RAB27A: variants seen among roughly 807,000 people sequenced by gnomAD.
RAB27A encodes the protein ras-related protein Rab-27A.
A neutral mutation model predicts 20.8 loss-of-function variants in RAB27A; 17 were observed. The ratio of observed to expected loss-of-function variants is 0.82; its 90% CI spans 0.56 to 1.23. RAB27A has a LOEUF of 1.23. Among genes scored for constraint, RAB27A ranks in the 50% most tolerant of loss-of-function variants. The pLI, the probability that RAB27A is intolerant of heterozygous loss-of-function variation, is 0.00. For synonymous variants in RAB27A, 85 were observed against 92.8 expected (o/e 0.92, Z 0.48); for missense variants, 277 against 266.7 (o/e 1.04, Z -0.27).
chr15:55,229,157 G>A, intron 4 of RAB27A, among the ~76,000 whole-genome samples: 1 of 151,946 alleles, frequency 6.6e-6, no homozygotes, highest in East Asian at 1.9e-4. Flanking sequence ...TTCTGTCTTG[G>A]TACTCTGCCT....
intron 1 of RAB27A, among the ~76,000 whole-genome samples, chr15:55,281,384 A>G (rs974539992): frequency 1.3e-5 from 2 of 152,200 alleles, no homozygotes; most frequent in Middle Eastern, 3.2e-3. Context: ...CATTTCTCAT[A>G]TATCAATAAA....
In RAB27A at chr15:55,204,651, C is replaced by T. The variant is rs1894556226; in HGVS notation, c.*856G>A. 6.6e-6 allele frequency: 1 copy of T among 152,182 alleles called. No individual in the cohort carries two copies. The highest frequency in any genetic ancestry group is 1.5e-5 in the Non-Finnish European group (1 of 68,042). The allele number at this position is 152,182 out of a possible 1,614,324, so 9.4% of individuals were successfully genotyped here. ...AAGAAAAAGAAACTAAATATTTACT[C>T]ATCGCAAATAACTCGGCATAAGCAC... On this transcript the variant is annotated 3_prime_UTR_variant, in exon 7 of 7. Transcript: ENST00000336787.
At chr15:55,303,048 C>A (rs1197675333) in intron 2 of RAB27A, among the ~76,000 whole-genome samples, 1 of 146,558 alleles carries the variant, frequency 6.8e-6, no homozygotes, top group African/African-American at 2.5e-5. Flanking sequence ...GATCAGCCCC[C>A]CCGCCCGGCC....
intron 1 of RAB27A, among the ~76,000 whole-genome samples, chr15:55,287,095 T>G (rs1298935651): frequency 6.6e-6 from 1 of 151,892 alleles, no homozygotes; most frequent in Non-Finnish European, 1.5e-5. Context: ...AATTTTTGTA[T>G]TTTTAGTAGA....
chr15:55,267,493 G>C (rs1490379416), intron 2 of RAB27A, among the ~76,000 whole-genome samples: 2 of 152,188 alleles, frequency 1.3e-5, no homozygotes, highest in African/African-American at 4.8e-5. Context: ...TCTGCCAAGA[G>C]GGCAGGGCCC....
At chr15:55,244,680 T>C (rs1162614562) in intron 2 of RAB27A, among the ~76,000 whole-genome samples, 2 of 152,252 alleles carry the variant, frequency 1.3e-5, no homozygotes, top group African/African-American at 2.4e-5. Flanking sequence ...CTTCACTTAT[T>C]GCAGTGCAAA....
At chr15:55,305,476 C>G (rs1213350236) in intron 2 of RAB27A, among the ~76,000 whole-genome samples, 5 of 152,096 alleles carry the variant, frequency 3.3e-5, no homozygotes, top group African/African-American at 7.2e-5. Context: ...ACAAACTTAA[C>G]AAGGAGGTTA....
chr15:55,269,475 G>A (rs1434963911), intron 2 of RAB27A, among the ~76,000 whole-genome samples: 9 of 152,106 alleles, frequency 5.9e-5, no homozygotes, highest in Admixed American at 6.6e-5. Flanking sequence ...GGCCGGGCAC[G>A]GTGGCTCATG....
intron 1 of RAB27A, among the ~76,000 whole-genome samples, chr15:55,278,485 T>A (rs28578658): frequency 0.027 from 2,080 of 77,518 alleles, 29 homozygotes; most frequent in African/African-American, 0.13. Flanking sequence ...CATTATTATT[T>A]TTTTTTTTTT....
chr15:55,242,919 T>C lies in RAB27A; in HGVS notation c.-22-7963A>G, dbSNP rs149510755. On this transcript the variant is annotated intron_variant, in intron 2 of 6. Transcript: ENST00000336787. The stretch of plus-strand genomic sequence containing the variant: ...CCTAAATTCTAGTCATGTATGCATA[T>C]TTTTCTTCTGTCTGTATTCCTTCCT... Among the ~76,000 whole-genome samples, 153 of 152,350 alleles carry C rather than the reference T, an allele frequency of 1.0e-3. 1 individual carries two copies. Among genetic ancestry groups the C allele is most frequent in the Middle Eastern group, 3.4e-3 (1 of 294 alleles).
At chr15:55,286,143 C>T (rs1186076860) in intron 1 of RAB27A, among the ~76,000 whole-genome samples, 2 of 152,206 alleles carry the variant, frequency 1.3e-5, no homozygotes, top group Non-Finnish European at 2.9e-5. Context: ...GCCCGATCTC[C>T]TCTGATCTTG....
At chr15:55,206,249 A>G in intron 6 of RAB27A, 1 of 656,084 alleles carries the variant, frequency 1.5e-6, no homozygotes, top group Non-Finnish European at 1.9e-6. Context: ...CCATATATAT[A>G]TTTTGGCAAT....
chr15:55,268,935 A>G (rs943594831), intron 2 of RAB27A, among the ~76,000 whole-genome samples: 4 of 152,134 alleles, frequency 2.6e-5, no homozygotes, highest in African/African-American at 9.7e-5. Flanking sequence ...GTGGGTCCTA[A>G]TCCACCCTCA....
chr15:55,221,562 T>C (rs559766622), intron 6 of RAB27A, among the ~76,000 whole-genome samples: 2 of 152,112 alleles, frequency 1.3e-5, no homozygotes, highest in Non-Finnish European at 2.9e-5. Context: ...CCATTGCACA[T>C]GAAGATCACG....
chr15:55,228,645 T>C lies in RAB27A; in HGVS notation c.307A>G (p.Asn103Asp), dbSNP rs144492641. 318 of 1,613,090 alleles carry C rather than the reference T, an allele frequency of 2.0e-4. No individual in the cohort carries two copies. The highest frequency in any genetic ancestry group is 2.7e-4 in the Admixed American group (16 of 59,990). ...CTGACATTGAGGAAACTTTGCTCAT[T>C]TGTCAGATCAAAAAGTAGAAGAAAA... Reference protein sequence around the residue: ...MGFLLLFDLTNEQSFLNVRNW... With the variant: ...MGFLLLFDLTDEQSFLNVRNW... Residue 103 changes from asparagine to aspartate, a missense_variant, in exon 5 of 7, where the codon AAT (asparagine) becomes GAT (aspartate). Physicochemically the swap from Asn to Asp is conservative, Grantham distance 23. Transcript: ENST00000336787.
At chr15:55,298,335 G>A (rs942580423) in intron 2 of RAB27A, among the ~76,000 whole-genome samples, 4 of 152,080 alleles carry the variant, frequency 2.6e-5, no homozygotes, top group Non-Finnish European at 5.9e-5. Flanking sequence ...ACAAAAGAGA[G>A]AAATTTTAAA....
At position 55,256,336 on chromosome 15, in the gene RAB27A, C is replaced by T. The variant is rs577542127; in HGVS notation, c.-23+13829G>A. 7.8e-4 allele frequency among the ~76,000 whole-genome samples: 119 copies of T among 152,220 alleles called. 4 individuals carry two copies. Among genetic ancestry groups the T allele is most frequent in the Admixed American group, 7.7e-3 (117 of 15,290 alleles). ...GGCTGAGGTGGGAGGATCACTTGAGCCCAAGAGTTCAAGGCTGCAGTGAGC... is the reference window on the plus strand; with the variant it reads ...GGCTGAGGTGGGAGGATCACTTGAGTCCAAGAGTTCAAGGCTGCAGTGAGC... On this transcript the variant is annotated intron_variant, in intron 2 of 6. Coordinates refer to ENST00000336787, the MANE Select transcript of RAB27A (RefSeq NM_183235.3).
chr15:55,229,040 A>G (rs1368791279), intron 4 of RAB27A, among the ~76,000 whole-genome samples: 1 of 152,174 alleles, frequency 6.6e-6, no homozygotes, highest in Non-Finnish European at 1.5e-5. Flanking sequence ...TTGACTTGAC[A>G]TTACAATGTG....
chr15:55,228,542 C>T, intron 5 of RAB27A, 67 bp downstream of exon 5: 1 of 1,177,058 alleles, frequency 8.5e-7, no homozygotes. Flanking sequence ...AGAAGTAGAG[C>T]ATAAGAGGGC....
Sources: allele counts gnomAD v4.1 joint callset (sites outside exome capture counted in the v4.1 genomes callset), GRCh38; gene constraint gnomAD v4.1.1; transcripts MANE v1.5; gene names NCBI Gene and HGNC (gene_info 2026-07-23, HGNC 2026-07-21).